Variants in SPTBN1 observed in about 807,000 individuals in gnomAD.
SPTBN1 encodes spectrin beta chain, non-erythrocytic 1.
In SPTBN1, 32 loss-of-function variants were observed where a neutral mutation model predicts 266.4. That is an observed-to-expected ratio of 0.12 (90% confidence interval 0.09 to 0.16). The LOEUF (loss-of-function observed/expected upper bound fraction) is 0.16. Among genes scored for constraint, SPTBN1 ranks in the 10% least tolerant of loss-of-function variants. The pLI is 1.00. For missense variants in SPTBN1, 2,296 were observed against 3,067.1 expected (o/e 0.75, Z 5.94); for synonymous variants, 1,336 against 1,162.2 (o/e 1.15, Z -3.04).
chr2:54,571,393 AAGAGGATGACGAGTTCAC>A (rs1399764194), intron 2 of SPTBN1, among the ~76,000 whole-genome samples: 3 of 152,136 alleles, frequency 2.0e-5, no homozygotes, highest in Admixed American at 2.0e-4. Context: ...TAATTGTATT[AAGAGGATGACGAGTTCAC>A]CGTTTGCCAG....
rs764882236 is a variant in SPTBN1, at chr2:54,629,497, A to G, written c.2363A>G (p.Asp788Gly). The G allele has an allele frequency of 6.2e-7, 1 of 1,614,120 alleles. No homozygotes were observed. Among genetic ancestry groups the G allele is most frequent in the Non-Finnish European group, 8.5e-7 (1 of 1,180,032 alleles). Residue 788 changes from aspartate (D) to glycine (G), a missense_variant, in exon 14 of 36, where the codon GAC (aspartate) becomes GGC (glycine). Asp to Gly is a moderately conservative substitution (Grantham distance 94, BLOSUM62 -1). Transcript: ENST00000356805. ...STQSLVKKHKDVAEEIANYRP... is the reference protein window; with the variant it reads ...STQSLVKKHKGVAEEIANYRP... ...CAGTCTCTGGTCAAGAAACACAAGG[A>G]CGTGGCGGAAGAGATCGCCAATTAC...
intron 2 of SPTBN1, among the ~76,000 whole-genome samples, chr2:54,546,271 C>G (rs1005415211): frequency 6.6e-6 from 1 of 152,086 alleles, no homozygotes; most frequent in Admixed American, 6.6e-5. Context: ...ATGTATGTAC[C>G]CACATTGACA....
Position 54,668,212 on chromosome 2 carries a change from A to G in SPTBN1, c.6877-139A>G, listed in dbSNP as rs1025046138. 1.1e-5 allele frequency: 8 copies of G among 718,938 alleles called. No individual in the cohort carries two copies. In the Middle Eastern group the frequency reaches 1.1e-3, roughly 97 times the overall value. The allele number at this position is 718,938 out of a possible 1,614,324, so 44.5% of individuals were successfully genotyped here. ...TCCCTCTCCTGTACTGATAAGGCAGAGGTGCATTTGGGGACAGTGCCCAGA... is the reference window on the plus strand; with the variant it reads ...TCCCTCTCCTGTACTGATAAGGCAGGGGTGCATTTGGGGACAGTGCCCAGA... On this transcript the variant is annotated intron_variant, in intron 35 of 35. Transcript: ENST00000356805.
At chr2:54,578,379 GT>G (rs1356976990) in intron 2 of SPTBN1, among the ~76,000 whole-genome samples, 2 of 152,180 alleles carry the variant, frequency 1.3e-5, no homozygotes, top group African/African-American at 2.4e-5. Flanking sequence ...GTTTGTTGGT[GT>G]TTTTGGGCTA....
intron 26 of SPTBN1, among the ~76,000 whole-genome samples, chr2:54,650,587 T>G (rs926425701): frequency 1.3e-5 from 2 of 152,268 alleles, no homozygotes; most frequent in Non-Finnish European, 2.9e-5. Flanking sequence ...CTAAGTTTCA[T>G]GGCCCTAGAG....
chr2:54,601,728 A>T (rs1676513459), intron 3 of SPTBN1, among the ~76,000 whole-genome samples: 2 of 152,218 alleles, frequency 1.3e-5, no homozygotes, highest in African/African-American at 4.8e-5. Flanking sequence ...GCTAGCAGAT[A>T]AATGTTTGAG....
At chr2:54,474,745 G>GT (rs1247659499) in intron 1 of SPTBN1, among the ~76,000 whole-genome samples, 3 of 152,130 alleles carry the variant, frequency 2.0e-5, no homozygotes, top group Non-Finnish European at 4.4e-5. Context: ...AAATATTAAG[G>GT]TTTTTGGGGG....
chr2:54,626,145 G>T lies in SPTBN1; in HGVS notation c.1555G>T (p.Ala519Ser), dbSNP rs866456257. The stretch of plus-strand genomic sequence containing the variant: ...GGAATACCTACTGGAACTGCTCAGG[G>T]CCCGGAGACAGCGGCTCGAGATGAA... ...LWEYLLELLR[A>S]RRQRLEMNLG... The change falls in exon 12 of 36, where the codon GCC becomes TCC. Residue 519 changes from alanine (A) to serine (S), a missense_variant. Around this residue, in one of 12 missense-constraint regions of SPTBN1, gnomAD observed 434 missense variants for 573.9 expected, o/e 0.76. Coordinates refer to ENST00000356805, the MANE Select transcript of SPTBN1 (RefSeq NM_003128.3). This position sits in a 1 kb window ranked among gnomAD's most constrained non-coding sequence, Gnocchi z 4.7. 3.7e-6 allele frequency: 6 copies of T among 1,614,198 alleles called. No homozygotes were observed. Among genetic ancestry groups the T allele is most frequent in the Non-Finnish European group, 3.4e-6 (4 of 1,180,036 alleles).
chr2:54,586,807 G>A (rs1208401935), intron 2 of SPTBN1, among the ~76,000 whole-genome samples: 1 of 152,296 alleles, frequency 6.6e-6, no homozygotes, highest in East Asian at 1.9e-4. Context: ...GTCAAGAACG[G>A]CTGGAATTGG....
intron 1 of SPTBN1, among the ~76,000 whole-genome samples, chr2:54,458,836 A>G (rs1015721907): frequency 2.0e-5 from 3 of 152,276 alleles, no homozygotes; most frequent in Non-Finnish European, 2.9e-5. Flanking sequence ...CAGTGTTTAC[A>G]AGCCAAGGGC....
At chr2:54,499,755 A>T (rs967986629) in intron 1 of SPTBN1, among the ~76,000 whole-genome samples, 1 of 152,234 alleles carries the variant, frequency 6.6e-6, no homozygotes. Flanking sequence ...GCACATGATT[A>T]TGAAGCCCCT....
chr2:54,670,815 ACT>A lies in SPTBN1; in HGVS notation c.*2247_*2248del, dbSNP rs1681659331. The A allele has an allele frequency of 2.5e-6, 1 of 398,612 alleles. No individual in the cohort carries two copies. Among genetic ancestry groups the A allele is most frequent in the African/African-American group, 2.1e-5 (1 of 48,738 alleles). The allele number at this position is 398,612 out of a possible 1,614,324, so 24.7% of individuals were successfully genotyped here. ...CTCTTGGTGCATTTGATAAGGATCC[ACT>A]GAGGCCTGAATGTGGAAGATGATGG... is the stretch of plus-strand genomic sequence containing the variant. On this transcript the variant is annotated 3_prime_UTR_variant, in exon 36 of 36. Coordinates refer to ENST00000356805, the MANE Select transcript of SPTBN1 (RefSeq NM_003128.3).
chr2:54,462,966 T>C (rs1299197049), intron 1 of SPTBN1, among the ~76,000 whole-genome samples: 1 of 152,368 alleles, frequency 6.6e-6, no homozygotes, highest in Non-Finnish European at 1.5e-5. Flanking sequence ...ATTCAGTTTT[T>C]AAGCTCCTGT....
intron 2 of SPTBN1, among the ~76,000 whole-genome samples, chr2:54,544,647 A>G (rs1672131304): frequency 6.6e-6 from 1 of 152,250 alleles, no homozygotes. Context: ...TATTTGTACT[A>G]AATACTACAT....
intron 18 of SPTBN1, among the ~76,000 whole-genome samples, chr2:54,641,515 C>A (rs763732818): frequency 2.0e-5 from 3 of 152,148 alleles, no homozygotes; most frequent in Admixed American, 2.0e-4. Flanking sequence ...ATAACTGGAA[C>A]ATAGATAATT....
intron 1 of SPTBN1, among the ~76,000 whole-genome samples, chr2:54,467,431 A>G (rs1424801778): frequency 6.6e-6 from 1 of 152,166 alleles, no homozygotes; most frequent in Non-Finnish European, 1.5e-5. Context: ...TCTTGCTCTT[A>G]TCCCCCAGGC....
chr2:54,557,621 C>T (rs1206712938), intron 2 of SPTBN1: 1 of 727,116 alleles, frequency 1.4e-6, no homozygotes, highest in Admixed American at 6.3e-5. Context: ...CTCATCTCCC[C>T]TCCGGATCAT....
chr2:54,581,360 C>T (rs894874368), intron 2 of SPTBN1, among the ~76,000 whole-genome samples: 11 of 152,090 alleles, frequency 7.2e-5, no homozygotes, highest in Admixed American at 1.3e-4. Flanking sequence ...GAGGATTCTC[C>T]ATAGGGTCGT....
chr2:54,639,161 T>C (rs778719545), intron 18 of SPTBN1, among the ~76,000 whole-genome samples: 1 of 152,252 alleles, frequency 6.6e-6, no homozygotes, highest in South Asian at 2.1e-4. Context: ...GATACTCACT[T>C]ACAGAGGCAT....
Sources: allele counts gnomAD v4.1 joint callset (sites outside exome capture counted in the v4.1 genomes callset), GRCh38; gene constraint gnomAD v4.1.1; regional missense constraint gnomAD v4.1.1; non-coding constraint Gnocchi (gnomAD v3.1); transcripts MANE v1.5; gene names NCBI Gene and HGNC (gene_info 2026-07-23, HGNC 2026-07-21).